SPAG16: variants seen among roughly 807,000 people sequenced by gnomAD.
The protein encoded by SPAG16 is sperm associated antigen 16.
In SPAG16, 86 loss-of-function variants were observed where a neutral mutation model predicts 80.4. That is an observed-to-expected ratio of 1.07 (90% CI 0.90 to 1.28). The LOEUF is 1.28. SPAG16 is among the 50% of genes most tolerant of loss of function. SPAG16 has a pLI of 0.00. For missense variants in SPAG16, 870 were observed against 765.3 expected (o/e 1.14, Z -1.61); for synonymous variants, 294 against 265.9 (o/e 1.11, Z -1.03).
At chr2:213,574,245 A>G (rs1475445302) in intron 10 of SPAG16, among the ~76,000 whole-genome samples, 1 of 152,144 alleles carries the variant, frequency 6.6e-6, no homozygotes, top group Non-Finnish European at 1.5e-5. Flanking sequence ...GGGACTATAT[A>G]CAATCAAATT....
intron 10 of SPAG16, among the ~76,000 whole-genome samples, chr2:213,793,275 T>C (rs2070819025): frequency 6.6e-6 from 1 of 152,042 alleles, no homozygotes; most frequent in Non-Finnish European, 1.5e-5. Context: ...TTACTGTCAA[T>C]ATTTTGTTAT....
intron 13 of SPAG16, among the ~76,000 whole-genome samples, chr2:214,079,974 A>G (rs2051286710): frequency 6.6e-6 from 1 of 152,220 alleles, no homozygotes. Context: ...TTTGATATCT[A>G]CTTTTTATCA....
intron 13 of SPAG16, among the ~76,000 whole-genome samples, chr2:214,045,632 G>A (rs2049276790): frequency 6.6e-6 from 1 of 152,122 alleles, no homozygotes; most frequent in Non-Finnish European, 1.5e-5. Context: ...AAGTGATTAA[G>A]AAGAAAATTT....
intron 15 of SPAG16, among the ~76,000 whole-genome samples, chr2:214,288,224 TCCATCCATGTTACTGCAAATGC>T (rs1415861240): frequency 1.3e-5 from 2 of 152,196 alleles, no homozygotes; most frequent in African/African-American, 4.8e-5. Flanking sequence ...AACTTCCAGT[TCCATCCATGTTACTGCAAATGC>T]CCTAATTTTA....
At position 213,423,639 on chromosome 2, in the gene SPAG16, A is replaced by C. The variant is rs138198284; in HGVS notation, c.942+48520A>C. 4.7e-3 allele frequency among the ~76,000 whole-genome samples: 717 copies of C among 152,358 alleles called. 4 individuals are homozygous for C. The highest frequency in any genetic ancestry group is 0.016 in the African/African-American group (685 of 41,590). ...ATTAGCTGTTATTAATCATGATGAC[A>C]ATACTAACACTATTAACGAAAGACA... On this transcript the variant is annotated intron_variant, in intron 9 of 15. Coordinates refer to ENST00000331683, the MANE Select transcript of SPAG16 (RefSeq NM_024532.5).
chr2:213,584,028 T>A (rs924352632), intron 10 of SPAG16, among the ~76,000 whole-genome samples: 26 of 152,236 alleles, frequency 1.7e-4, no homozygotes, highest in Non-Finnish European at 2.9e-4. Context: ...TTTGTAGAAA[T>A]GTAAACTTTA....
intron 15 of SPAG16, among the ~76,000 whole-genome samples, chr2:214,302,226 C>T (rs901788652): frequency 7.9e-5 from 12 of 152,264 alleles, no homozygotes; most frequent in South Asian, 4.1e-4. Flanking sequence ...GAATGTTCTA[C>T]GCACAGATAA....
chr2:213,889,558 T>C (rs978850289), intron 11 of SPAG16, among the ~76,000 whole-genome samples: 3 of 151,240 alleles, frequency 2.0e-5, no homozygotes, highest in Non-Finnish European at 4.4e-5. Context: ...GGCTGTTCTC[T>C]GGCCAACCTG....
intron 10 of SPAG16, among the ~76,000 whole-genome samples, chr2:213,652,331 A>T (rs1347606748): frequency 6.6e-6 from 1 of 152,034 alleles, no homozygotes; most frequent in Admixed American, 6.6e-5. Flanking sequence ...TTTTTAATGA[A>T]TATTCACCAA....
chr2:213,910,981 C>T (rs899808513), intron 11 of SPAG16, among the ~76,000 whole-genome samples: 18 of 152,176 alleles, frequency 1.2e-4, no homozygotes, highest in African/African-American at 4.3e-4. Flanking sequence ...TGCTTCTACA[C>T]TTTCCACTTC....
chr2:214,168,389 T>C (rs2056746032), intron 15 of SPAG16, among the ~76,000 whole-genome samples: 1 of 152,104 alleles, frequency 6.6e-6, no homozygotes, highest in Non-Finnish European at 1.5e-5. Flanking sequence ...GAAATATTCA[T>C]ATAAACATGG....
At chr2:213,347,798 A>C (rs565696204) in intron 6 of SPAG16, among the ~76,000 whole-genome samples, 18 of 152,178 alleles carry the variant, frequency 1.2e-4, no homozygotes, top group South Asian at 6.2e-4. Context: ...GGAGTGCTTT[A>C]CTTCCAACTG....
At chr2:213,389,162 G>A (rs2067605784) in intron 9 of SPAG16, among the ~76,000 whole-genome samples, 1 of 152,090 alleles carries the variant, frequency 6.6e-6, no homozygotes. Context: ...ACCAATCAAT[G>A]GGGAAAGACA....
intron 14 of SPAG16, among the ~76,000 whole-genome samples, chr2:214,118,131 A>T (rs140772037): frequency 0.024 from 3,728 of 152,314 alleles, 97 homozygotes; most frequent in South Asian, 0.13. Context: ...AACTGTTAGA[A>T]CTAATAAATT....
chr2:214,232,265 A>G (rs1688749566), intron 15 of SPAG16, among the ~76,000 whole-genome samples: 1 of 152,042 alleles, frequency 6.6e-6, no homozygotes, highest in African/African-American at 2.4e-5. Context: ...CAAGCTAGAA[A>G]TATCTCAGAG....
chr2:213,423,485 G>T (rs984302125), intron 9 of SPAG16, among the ~76,000 whole-genome samples: 1 of 152,192 alleles, frequency 6.6e-6, no homozygotes, highest in Non-Finnish European at 1.5e-5. Flanking sequence ...CATACTAGCT[G>T]TGTGGCCTTA....
intron 15 of SPAG16, among the ~76,000 whole-genome samples, chr2:214,211,870 C>T (rs2058303467): frequency 6.6e-6 from 1 of 152,070 alleles, no homozygotes. Flanking sequence ...CCCTACATTC[C>T]ACCCATCAGC....
chr2:213,762,322 A>G (rs2068709246), intron 10 of SPAG16, among the ~76,000 whole-genome samples: 1 of 152,194 alleles, frequency 6.6e-6, no homozygotes, highest in Non-Finnish European at 1.5e-5. Flanking sequence ...AACACATTTA[A>G]TAGCACTGAA....
intron 10 of SPAG16, among the ~76,000 whole-genome samples, chr2:213,620,482 T>C (rs188696470): frequency 1.3e-5 from 2 of 151,572 alleles, no homozygotes; most frequent in East Asian, 1.9e-4. Flanking sequence ...TTAGTAGAGA[T>C]AGGGTTTCAC....
Sources: gnomAD v4.1 joint callset for allele counts (sites outside exome capture counted in the v4.1 genomes callset) on GRCh38, gnomAD v4.1.1 for gene constraint, MANE v1.5 for transcripts, NCBI Gene and HGNC (gene_info 2026-07-23, HGNC 2026-07-21) for gene names.